The following SPATA31H1 variants were observed in gnomAD, a reference collection of about 807,000 sequenced individuals.
The protein encoded by SPATA31H1 is SPATA31 subfamily H member 1, also known as spermatogenesis-associated protein 31H1.
chr2:27,559,038 C>G, the SPATA31H1 span, among the ~76,000 whole-genome samples: 3 of 151,972 alleles, frequency 2.0e-5, no homozygotes, highest in Admixed American at 2.0e-4. Context: ...TTTTTATTCC[C>G]CATGTTTATC....
At chr2:27,547,508 C>G in the SPATA31H1 span, among the ~76,000 whole-genome samples, 1 of 151,916 alleles carries the variant, frequency 6.6e-6, no homozygotes, top group Non-Finnish European at 1.5e-5. Flanking sequence ...CTTAACTATT[C>G]TAGGTCATTG....
chr2:27,566,622 T>C, the SPATA31H1 span: 1 of 287,048 alleles, frequency 3.5e-6, no homozygotes, highest in Admixed American at 5.1e-5. Flanking sequence ...GGAAAGAAAC[T>C]TTTTTTTTTT....
the SPATA31H1 span, among the ~76,000 whole-genome samples, chr2:27,539,757 C>T: frequency 3.4e-5 from 2 of 58,596 alleles, no homozygotes; most frequent in Non-Finnish European, 6.0e-5. Context: ...TGACCCCCCC[C>T]GCCCCCGGAC....
the SPATA31H1 span, chr2:27,568,920 T>C: frequency 7.0e-5 from 28 of 398,774 alleles, no homozygotes; most frequent in Non-Finnish European, 1.2e-4. Context: ...ATTGACCCCA[T>C]GGCATCAAGC....
chr2:27,542,522 C>T, the SPATA31H1 span, among the ~76,000 whole-genome samples: 6 of 151,936 alleles, frequency 3.9e-5, 1 homozygote, highest in Admixed American at 1.3e-4. Flanking sequence ...ATATATTTGA[C>T]AGATATAGAA....
chr2:27,548,503 G>T, the SPATA31H1 span, among the ~76,000 whole-genome samples: 1 of 151,248 alleles, frequency 6.6e-6, no homozygotes, highest in African/African-American at 2.4e-5. Context: ...AGCTACTCAG[G>T]AGGCTGAGGT....
the SPATA31H1 span, chr2:27,577,572 G>A: frequency 6.2e-7 from 1 of 1,614,142 alleles, no homozygotes; most frequent in Non-Finnish European, 8.5e-7. The surrounding 1 kb of genome is among the most constrained non-coding windows in gnomAD (Gnocchi z 4.5). Context: ...AGAATCTGTG[G>A]TATTGATTCC....
At chr2:27,561,107 G>A in the SPATA31H1 span, among the ~76,000 whole-genome samples, 1 of 152,176 alleles carries the variant, frequency 6.6e-6, no homozygotes, top group Non-Finnish European at 1.5e-5. Context: ...AAGAAGGGTG[G>A]ATCACTTGAG....
At chr2:27,539,850 G>A in the SPATA31H1 span, among the ~76,000 whole-genome samples, 3,382 of 72,408 alleles carry the variant, frequency 0.047, 97 homozygotes, top group East Asian at 0.19. Flanking sequence ...CGGACCGGGC[G>A]GCTGGCCAGG....
At chr2:27,561,291 G>A in the SPATA31H1 span, among the ~76,000 whole-genome samples, 3 of 152,218 alleles carry the variant, frequency 2.0e-5, no homozygotes, top group African/African-American at 4.8e-5. Context: ...TTGAGCTACT[G>A]CACTCCAGCC....
the SPATA31H1 span, chr2:27,574,954 T>G: frequency 2.5e-6 from 1 of 398,486 alleles, no homozygotes. Context: ...CCTAGGCCAA[T>G]GCGGCAAGAT....
chr2:27,560,353 A>G, the SPATA31H1 span, among the ~76,000 whole-genome samples: 1 of 151,998 alleles, frequency 6.6e-6, no homozygotes, highest in African/African-American at 2.4e-5. Context: ...TCATTCTACT[A>G]CATATAAATT....
chr2:27,554,528 T>G, the SPATA31H1 span, among the ~76,000 whole-genome samples: 1 of 151,894 alleles, frequency 6.6e-6, no homozygotes, highest in Non-Finnish European at 1.5e-5. Context: ...TTACTGTGTT[T>G]TTACATGGTG....
At chr2:27,552,959 A>G in the SPATA31H1 span, among the ~76,000 whole-genome samples, 1 of 151,996 alleles carries the variant, frequency 6.6e-6, no homozygotes. Flanking sequence ...TCTAATTTGC[A>G]TGGCTTTTCT....
At chr2:27,550,033 CT>C in the SPATA31H1 span, among the ~76,000 whole-genome samples, 1 of 151,948 alleles carries the variant, frequency 6.6e-6, no homozygotes, top group East Asian at 1.9e-4. Flanking sequence ...TACCTAGAGA[CT>C]TTGCTAAATT....
the SPATA31H1 span, chr2:27,570,730 T>C: frequency 7.5e-6 from 3 of 398,804 alleles, no homozygotes; most frequent in Non-Finnish European, 8.8e-6. Flanking sequence ...CCTGTGACAA[T>C]GGCTCCAGGG....
chr2:27,564,416 G>A, the SPATA31H1 span, among the ~76,000 whole-genome samples: 1 of 152,120 alleles, frequency 6.6e-6, no homozygotes, highest in Non-Finnish European at 1.5e-5. Flanking sequence ...ATGATATGGG[G>A]CGTTGAAGTA....
the SPATA31H1 span, chr2:27,537,646 T>C: frequency 2.1e-5 from 14 of 678,552 alleles, no homozygotes; most frequent in African/African-American, 1.4e-4. Context: ...CTTTGGGCCA[T>C]GGGAGGAACT....
At chr2:27,544,719 G>C in the SPATA31H1 span, among the ~76,000 whole-genome samples, 3 of 151,500 alleles carry the variant, frequency 2.0e-5, no homozygotes, top group Non-Finnish European at 4.4e-5. Context: ...ATTTTTAGTA[G>C]GGACGAGGTT....
Sources: allele counts gnomAD v4.1 joint callset (sites outside exome capture counted in the v4.1 genomes callset), GRCh38; gene constraint gnomAD v4.1.1; non-coding constraint Gnocchi (gnomAD v3.1); transcripts MANE v1.5; gene names NCBI Gene and HGNC (gene_info 2026-07-23, HGNC 2026-07-21).